FHOD3: variants seen among roughly 807,000 people sequenced by gnomAD.
The protein encoded by FHOD3 is formin homology 2 domain containing 3, also known as FH1/FH2 domain-containing protein 3.
A neutral mutation model predicts 173.0 loss-of-function variants in FHOD3; 90 were observed. The ratio of observed to expected loss-of-function variants is 0.52; its 90% CI spans 0.44 to 0.62. The LOEUF is 0.62. Ranked by LOEUF, FHOD3 falls within the 20% of genes least tolerant of loss-of-function variation. The pLI is 0.00. For synonymous variants in FHOD3, 828 were observed against 823.0 expected (o/e 1.01, Z -0.10); for missense variants, 1,945 against 2,034.7 (o/e 0.96, Z 0.85).
At chr18:36,763,438 G>A (rs952666226) in intron 27 of FHOD3, among the ~76,000 whole-genome samples, 8 of 145,712 alleles carry the variant, frequency 5.5e-5, no homozygotes, top group Admixed American at 4.2e-4. Flanking sequence ...TATTATACAC[G>A]TTATATATAA....
At chr18:36,588,183 G>A (rs2013513134) in intron 6 of FHOD3, among the ~76,000 whole-genome samples, 5 of 152,212 alleles carry the variant, frequency 3.3e-5, no homozygotes, top group Admixed American at 3.3e-4. Context: ...GTTGAGATTT[G>A]GAGTCTGGGA....
chr18:36,501,847 T>C, intron 3 of FHOD3, 85 bp from the exon 4 acceptor site: 1 of 948,626 alleles, frequency 1.1e-6, no homozygotes, highest in Non-Finnish European at 1.6e-6. Context: ...CCAGGGATAG[T>C]TTTGTTATCA....
chr18:36,550,243 C>CACATATATATAT (rs2057591344), intron 5 of FHOD3, among the ~76,000 whole-genome samples: 1 of 120,714 alleles, frequency 8.3e-6, no homozygotes, highest in African/African-American at 3.2e-5. Context: ...AGTGGTAGAC[C>CACATATATATAT]ATATATATAT....
chr18:36,748,418 C>T lies in FHOD3; in HGVS notation c.4232+1283C>T, dbSNP rs562897457. Among the ~76,000 whole-genome samples the T allele has an allele frequency of 8.8e-5, 13 of 148,220 alleles. No homozygotes were observed. The East Asian group carries it at 2.4e-3, about 27-fold the overall frequency. The stretch of plus-strand genomic sequence containing the variant: ...ACACACACACACACACACACACACA[C>T]GGAGAGAGAACCAACTATTATTTGG... On this transcript the variant is annotated intron_variant, in intron 24 of 28. Coordinates refer to ENST00000590592, the MANE Select transcript of FHOD3 (RefSeq NM_001281740.3).
chr18:36,361,127 T>C (rs1237274657), intron 2 of FHOD3, among the ~76,000 whole-genome samples: 1 of 152,066 alleles, frequency 6.6e-6, no homozygotes, highest in Non-Finnish European at 1.5e-5. Flanking sequence ...GGCTGAAGCC[T>C]TGTGGCTAAT....
chr18:36,576,038 TG>T (rs1167530124), intron 5 of FHOD3, among the ~76,000 whole-genome samples: 63 of 152,350 alleles, frequency 4.1e-4, no homozygotes, highest in African/African-American at 1.5e-3. Context: ...GACCACAGAC[TG>T]GGGCACTGGA....
At chr18:36,497,423 T>A (rs2054802290) in intron 3 of FHOD3, among the ~76,000 whole-genome samples, 1 of 152,032 alleles carries the variant, frequency 6.6e-6, no homozygotes, top group East Asian at 1.9e-4. Flanking sequence ...AAAAATACAG[T>A]GAATGCATAG....
intron 8 of FHOD3, among the ~76,000 whole-genome samples, chr18:36,605,666 C>G (rs7238263): frequency 2.0e-5 from 3 of 152,028 alleles, no homozygotes; most frequent in Non-Finnish European, 4.4e-5. Context: ...TTGCAACCTC[C>G]GGCATAAATG....
intron 3 of FHOD3, among the ~76,000 whole-genome samples, chr18:36,469,692 C>T (rs2053163839): frequency 6.6e-6 from 1 of 152,140 alleles, no homozygotes; most frequent in African/African-American, 2.4e-5. Flanking sequence ...GTTGTGAGGC[C>T]TCATCACCTT....
intron 6 of FHOD3, among the ~76,000 whole-genome samples, chr18:36,588,482 TG>T (rs2148239034): frequency 6.6e-6 from 1 of 152,340 alleles, no homozygotes; most frequent in African/African-American, 2.4e-5. Context: ...ATATTTATGA[TG>T]TTTTAGTGGA....
rs182568598 is a variant in FHOD3 at position 36,417,003 on chromosome 18, T to C, written c.337+44259T>C. Among the ~76,000 whole-genome samples the C allele has an allele frequency of 5.9e-5, 9 of 151,830 alleles. No individual in the cohort carries two copies. The East Asian group carries it at 1.2e-3, about 20-fold the overall frequency. ...AAGGAAATCAGAACATATAGATATA[T>C]ATACACATACACACACGTACATACA... On this transcript the variant is annotated intron_variant, in intron 3 of 28. Transcript: ENST00000590592.
intron 6 of FHOD3, among the ~76,000 whole-genome samples, chr18:36,584,844 T>G (rs2058973393): frequency 6.6e-6 from 1 of 151,078 alleles, no homozygotes; most frequent in Admixed American, 6.6e-5. Flanking sequence ...TTTAAAACAT[T>G]TACTGAATTT....
At chr18:36,426,810 A>G (rs1209164422) in intron 3 of FHOD3, among the ~76,000 whole-genome samples, 2 of 152,188 alleles carry the variant, frequency 1.3e-5, no homozygotes, top group Non-Finnish European at 2.9e-5. Context: ...TCCTTCTGTG[A>G]CTGGTTCTGT....
At chr18:36,594,158 C>T (rs886258886) in intron 6 of FHOD3, among the ~76,000 whole-genome samples, 18 of 152,084 alleles carry the variant, frequency 1.2e-4, no homozygotes, top group African/African-American at 3.4e-4. Flanking sequence ...GTGACCTCCC[C>T]GAGGGTGCAT....
At chr18:36,528,629 CT>C (rs2056637900) in intron 5 of FHOD3, among the ~76,000 whole-genome samples, 1 of 152,182 alleles carries the variant, frequency 6.6e-6, no homozygotes, top group Non-Finnish European at 1.5e-5. Flanking sequence ...AAGTTCACCC[CT>C]GTGGCCCTCT....
intron 10 of FHOD3, among the ~76,000 whole-genome samples, chr18:36,645,989 T>C (rs1287551673): frequency 1.3e-5 from 2 of 152,162 alleles, no homozygotes; most frequent in African/African-American, 4.8e-5. Context: ...AACCTTATAC[T>C]TTTCCCTGAG....
chr18:36,393,237 G>T (rs948276690), intron 3 of FHOD3, among the ~76,000 whole-genome samples: 8 of 152,212 alleles, frequency 5.3e-5, no homozygotes, highest in Non-Finnish European at 1.2e-4. Flanking sequence ...TGATGGATCT[G>T]AATCTGGTGT....
chr18:36,622,422 A>G (rs1004344561), intron 9 of FHOD3, among the ~76,000 whole-genome samples: 1 of 152,330 alleles, frequency 6.6e-6, no homozygotes, highest in East Asian at 1.9e-4. Flanking sequence ...AAGTGGTTAC[A>G]GATGTCACCT....
chr18:36,576,585 A>T (rs567323732), intron 6 of FHOD3, 40 bp downstream of exon 6: 7 of 1,482,436 alleles, frequency 4.7e-6, no homozygotes, highest in Non-Finnish European at 6.5e-6. Flanking sequence ...TTCACTTGTC[A>T]TATCACTTGC....
Sources: gnomAD v4.1 joint callset for allele counts (sites outside exome capture counted in the v4.1 genomes callset) on GRCh38, gnomAD v4.1.1 for gene constraint, MANE v1.5 for transcripts, NCBI Gene and HGNC (gene_info 2026-07-23, HGNC 2026-07-21) for gene names.